GYS2: variants seen among roughly 807,000 people sequenced by gnomAD.
The protein encoded by GYS2 is glycogen synthase 2.
In GYS2, 80 loss-of-function variants were observed where a neutral mutation model predicts 85.6. The ratio of observed to expected loss-of-function variants is 0.93; its 90% CI spans 0.78 to 1.13. GYS2 has a LOEUF of 1.13. Ranked by LOEUF, GYS2 falls within the 50% of genes most tolerant of loss-of-function variation. The pLI is 0.00. For synonymous variants in GYS2, 328 were observed against 300.7 expected, an observed-to-expected ratio of 1.09 and a Z score of -0.94; for missense variants, 881 against 854.9, an observed-to-expected ratio of 1.03 and a Z score of -0.38.
intron 11 of GYS2, among the ~76,000 whole-genome samples, chr12:21,557,861 T>C: frequency 6.6e-6 from 1 of 151,918 alleles, no homozygotes; most frequent in Admixed American, 6.6e-5. Flanking sequence ...ATAGCGCCAC[T>C]GCACTCCAGC....
In GYS2 at chr12:21,584,727, G is replaced by A. The variant is rs564499575; in HGVS notation, c.122-4204C>T. ...AAAGGGCAGAGGCTTGTCCTCACTG[G>A]AATAGACACTTACTCTGGATATGGG... On this transcript the variant is annotated intron_variant, in intron 1 of 15. Coordinates refer to ENST00000261195, the MANE Select transcript of GYS2 (RefSeq NM_021957.4). Among the ~76,000 whole-genome samples the A allele has an allele frequency of 3.2e-4, 48 of 152,310 alleles. 1 individual carries two copies. In the South Asian group the frequency reaches 3.7e-3, roughly 12 times the overall value.
In GYS2 at chr12:21,547,059, G is replaced by A. The variant is rs1565593664; in HGVS notation, c.1423-589C>T. The stretch of plus-strand genomic sequence containing the variant: ...GCCTGCTTCTTTCTGTCCCACTGGG[G>A]TCTCTATTCAACACAACTAGATTGA... On this transcript the variant is annotated intron_variant, in intron 11 of 15. Coordinates refer to ENST00000261195, the MANE Select transcript of GYS2 (RefSeq NM_021957.4). 2.6e-5 allele frequency among the ~76,000 whole-genome samples: 4 copies of A among 152,118 alleles called. No individual in the cohort carries two copies. In the South Asian group the frequency reaches 8.3e-4, roughly 32 times the overall value.
intron 12 of GYS2, 108 bp downstream of exon 12, chr12:21,546,236 T>A: frequency 2.4e-6 from 2 of 846,050 alleles, no homozygotes; most frequent in Non-Finnish European, 3.5e-6. Context: ...ACTGAAGAAT[T>A]GAAATCTTAT....
rs3832848 is a variant in GYS2 at position 21,541,268 on chromosome 12, C to CAAAAAAAAAA, written c.1646-705_1646-696dup. On this transcript the variant is annotated intron_variant, in intron 13 of 15. Coordinates refer to ENST00000261195, the MANE Select transcript of GYS2 (RefSeq NM_021957.4). ...GGGCAACAGAGTGAGACCATGTTTC[C>CAAAAAAAAAA]AAAAAAAAAAAAAAAAAAAAAAACA... Among the ~76,000 whole-genome samples the CAAAAAAAAAA allele has an allele frequency of 5.8e-4, 27 of 46,218 alleles. 1 individual carries two copies. The highest frequency in any genetic ancestry group is 8.8e-4 in the Admixed American group (2 of 2,274). 30.3% of individuals were successfully genotyped at this position (46,218 alleles called of 152,430 possible).
At chr12:21,564,648 T>C (rs1350330464) in intron 5 of GYS2, among the ~76,000 whole-genome samples, 1 of 152,184 alleles carries the variant, frequency 6.6e-6, no homozygotes, top group African/African-American at 2.4e-5. Flanking sequence ...GTGAAAGCTT[T>C]CATGTGAATA....
At chr12:21,560,614 T>C in intron 7 of GYS2, 122 bp from the exon 8 acceptor site, 1 of 683,988 alleles carries the variant, frequency 1.5e-6, no homozygotes, top group Non-Finnish European at 2.7e-6. Context: ...TATAGTTATT[T>C]ATGTTTCACA....
chr12:21,577,830 A>C (rs972980485), intron 2 of GYS2, among the ~76,000 whole-genome samples: 6 of 152,188 alleles, frequency 3.9e-5, no homozygotes, highest in African/African-American at 1.4e-4. Context: ...TTAAAGCCTT[A>C]TTCTTTATTT....
chr12:21,570,180 T>C (rs1270040978), intron 4 of GYS2, among the ~76,000 whole-genome samples: 1 of 152,236 alleles, frequency 6.6e-6, no homozygotes, highest in Admixed American at 6.5e-5. Context: ...ATCATCTCTC[T>C]GAAAATGTTT....
Position 21,536,779 on chromosome 12 carries a change from A to G in GYS2, c.*175T>C. 1 of 622,340 alleles carries G rather than the reference A, an allele frequency of 1.6e-6. No individual in the cohort carries two copies. Among genetic ancestry groups the G allele is most frequent in the Non-Finnish European group, 2.8e-6 (1 of 351,166 alleles). The allele number at this position is 622,340 out of a possible 1,614,324, so 38.6% of individuals were successfully genotyped here. A position where few individuals can be genotyped will look rare whatever the true frequency, so the allele number is the denominator to read the frequency against. On this transcript the variant is annotated 3_prime_UTR_variant, in exon 16 of 16. Transcript: ENST00000261195. ...ACAAGAGTTGGGGAAAATAACTTGG[A>G]TCTTATCCTAAATTACAAAATTGTC...
intron 1 of GYS2, among the ~76,000 whole-genome samples, chr12:21,589,509 A>C (rs1944611095): frequency 6.6e-6 from 1 of 152,176 alleles, no homozygotes; most frequent in Non-Finnish European, 1.5e-5. Flanking sequence ...AAGAACCAAA[A>C]TAGTAAGTAG....
chr12:21,553,796 A>C (rs546203978), intron 11 of GYS2, among the ~76,000 whole-genome samples: 1 of 151,438 alleles, frequency 6.6e-6, no homozygotes, highest in African/African-American at 2.4e-5. Flanking sequence ...ACACACATAT[A>C]ACACACACAC....
At position 21,568,987 on chromosome 12, in the gene GYS2, C is replaced by T. The variant is rs1431942775; in HGVS notation, c.701G>A (p.Gly234Glu). Reference sequence around the variant, plus strand: ...GTACCGGTGGTAAATCTGCCTTTCCCCAGCCTCTTTGTCAATGTTAAACTG... The same window carrying T: ...GTACCGGTGGTAAATCTGCCTTTCCTCAGCCTCTTTGTCAATGTTAAACTG... ...LDKFNIDKEA[G>E]ERQIYHRYCM... Residue 234 changes from glycine to glutamate, a missense_variant, in exon 5 of 16, where the codon GGG (glycine) becomes GAG (glutamate). By Grantham distance (98) the Gly-to-Glu change is moderately conservative. Transcript: ENST00000261195. The T allele has an allele frequency of 6.2e-7, 1 of 1,614,108 alleles. No individual in the cohort carries two copies. Among genetic ancestry groups the T allele is most frequent in the East Asian group, 2.2e-5 (1 of 44,880 alleles).
intron 5 of GYS2, among the ~76,000 whole-genome samples, chr12:21,564,489 A>G (rs968597286): frequency 6.6e-6 from 1 of 152,154 alleles, no homozygotes; most frequent in African/African-American, 2.4e-5. Flanking sequence ...ACATGGTTCC[A>G]CAAAATCAAT....
chr12:21,574,770 G>T (rs1944426526), intron 3 of GYS2, among the ~76,000 whole-genome samples: 2 of 151,606 alleles, frequency 1.3e-5, no homozygotes, highest in Non-Finnish European at 1.5e-5. Flanking sequence ...GACTAGACTT[G>T]TGTTTATTTA....
intron 1 of GYS2, among the ~76,000 whole-genome samples, chr12:21,593,587 C>G (rs1249249194): frequency 6.6e-6 from 1 of 151,930 alleles, no homozygotes; most frequent in Non-Finnish European, 1.5e-5. Context: ...AAAACCTGAA[C>G]AGACCAGTAA....
intron 11 of GYS2, among the ~76,000 whole-genome samples, chr12:21,549,545 C>CAT (rs149708382): frequency 0.024 from 3,636 of 152,296 alleles, 155 homozygotes; most frequent in African/African-American, 0.082. Context: ...TTCAGAATTA[C>CAT]ATATTACATT....
At position 21,568,970 on chromosome 12, in the gene GYS2, G is replaced by A. The variant is rs2136894564; in HGVS notation, c.718C>T (p.His240Tyr). ...DKEAGERQIY[H>Y]RYCMERASVH... is the part of the protein sequence containing the mutation. ...GAAGCTCGCTCCATGCAGTACCGGT[G>A]GTAAATCTGCCTTTCCCCAGCCTCT... Residue 240 changes from histidine to tyrosine, a missense_variant, in exon 5 of 16, where the codon CAC becomes TAC. Coordinates refer to ENST00000261195, the MANE Select transcript of GYS2 (RefSeq NM_021957.4). The A allele has an allele frequency of 6.2e-7, 1 of 1,613,864 alleles. No homozygotes were observed. The highest frequency in any genetic ancestry group is 2.2e-5 in the East Asian group (1 of 44,864).
downstream of GYS2, among the ~76,000 whole-genome samples, chr12:21,534,726 G>A (rs11612897): frequency 0.16 from 24,998 of 151,868 alleles, 2,250 homozygotes; most frequent in Middle Eastern, 0.2. Context: ...GAATTTGGGG[G>A]GCACACAAAC....
chr12:21,534,362 C>G (rs892629875), downstream of GYS2, among the ~76,000 whole-genome samples: 2 of 151,912 alleles, frequency 1.3e-5, no homozygotes, highest in African/African-American at 4.8e-5. Context: ...AAAGAAAATA[C>G]AAAAATTAGC....
Sources: gnomAD v4.1 joint callset for allele counts (sites outside exome capture counted in the v4.1 genomes callset) on GRCh38, gnomAD v4.1.1 for gene constraint, MANE v1.5 for transcripts, NCBI Gene and HGNC (gene_info 2026-07-23, HGNC 2026-07-21) for gene names.